Variants in TIAM1 observed in about 807,000 individuals in gnomAD.
The protein encoded by TIAM1 is rho guanine nucleotide exchange factor TIAM1.
Under a neutral mutation model 163.5 loss-of-function variants are expected in TIAM1, and 65 were observed. That is an observed-to-expected ratio of 0.40 (90% CI 0.33 to 0.49). TIAM1 has a LOEUF of 0.49. Among genes scored for constraint, TIAM1 ranks in the 20% least tolerant of loss-of-function variants. The pLI is 0.77. For missense variants in TIAM1, 1,789 were observed against 2,044.7 expected (o/e 0.87, Z 2.41); for synonymous variants, 833 against 810.1 (o/e 1.03, Z -0.48).
intron 1 of TIAM1, among the ~76,000 whole-genome samples, chr21:31,497,429 T>G (rs1569386700): frequency 6.6e-6 from 1 of 152,146 alleles, no homozygotes; most frequent in Admixed American, 6.5e-5. Flanking sequence ...ATGAGATGTA[T>G]GGAATATCAC....
chr21:31,506,674 T>C (rs1459393043), intron 1 of TIAM1, among the ~76,000 whole-genome samples: 2 of 152,204 alleles, frequency 1.3e-5, no homozygotes, highest in African/African-American at 2.4e-5. Flanking sequence ...TCCCAGCACT[T>C]TGGGAGGCTG....
At chr21:31,245,408 G>A (rs919109146) in intron 6 of TIAM1, 80 bp downstream of exon 6, 8 of 1,072,246 alleles carry the variant, frequency 7.5e-6, no homozygotes, top group Non-Finnish European at 8.6e-6. Flanking sequence ...GCAGTGGAGG[G>A]AGACTGGGTG....
At chr21:31,219,724 A>T (rs2087437839) in intron 8 of TIAM1, among the ~76,000 whole-genome samples, 1 of 151,162 alleles carries the variant, frequency 6.6e-6, no homozygotes, top group East Asian at 1.9e-4. Flanking sequence ...TTCTCAGCTT[A>T]GCACGTTAAA....
chr21:31,470,370 G>A (rs1471785366), intron 1 of TIAM1, among the ~76,000 whole-genome samples: 25 of 151,576 alleles, frequency 1.6e-4, no homozygotes, highest in Admixed American at 1.6e-3. Flanking sequence ...TTTCACTCTT[G>A]TTGCCCAGGC....
rs536463656 is a variant in TIAM1 at position 31,120,153 on chromosome 21, G to A, written c.*215C>T. On this transcript the variant is annotated 3_prime_UTR_variant, in exon 28 of 28. Transcript: ENST00000541036. This position sits in a 1 kb window ranked among gnomAD's most constrained non-coding sequence, Gnocchi z 4.2. ...AGCCCTTAGTAATATACAGAAGATA[G>A]GACTCAAGCTTATTTGGGATTCTGA... 6 of 546,944 alleles carry A rather than the reference G, an allele frequency of 1.1e-5. No homozygotes were observed. The highest frequency in any genetic ancestry group is 9.4e-4 in the Middle Eastern group (2 of 2,118). The allele number at this position is 546,944 out of a possible 1,614,324, so 33.9% of individuals were successfully genotyped here.
At chr21:31,143,387 A>C (rs1217541080) in intron 20 of TIAM1, among the ~76,000 whole-genome samples, 3 of 151,992 alleles carry the variant, frequency 2.0e-5, no homozygotes, top group African/African-American at 7.3e-5. Flanking sequence ...ACAGGAACTC[A>C]AAAATCTCTT....
At chr21:31,328,937 T>C (rs1601983187) in intron 2 of TIAM1, among the ~76,000 whole-genome samples, 1 of 152,310 alleles carries the variant, frequency 6.6e-6, no homozygotes, top group South Asian at 2.1e-4. Flanking sequence ...TGAGCTACCA[T>C]ACCCAGCCCA....
In TIAM1 at chr21:31,141,542, C is replaced by A. The variant is rs916027482; in HGVS notation, c.3476-38G>T. 1 of 1,599,464 alleles carries A rather than the reference C, an allele frequency of 6.3e-7. No individual in the cohort carries two copies. The highest frequency in any genetic ancestry group is 1.7e-5 in the Admixed American group (1 of 59,008). On this transcript the variant is annotated intron_variant, in intron 20 of 27. Transcript: ENST00000541036. The surrounding 1 kb of genome is among the most constrained non-coding windows in gnomAD (Gnocchi z 4.7). ...AAACACAGGTCATGGGGGTGGAACG[C>A]CCACGTGACTCCCTTCCCACAATTT...
At chr21:31,537,382 T>A (rs114552243) in intron 1 of TIAM1, among the ~76,000 whole-genome samples, 53 of 150,540 alleles carry the variant, frequency 3.5e-4, no homozygotes, top group African/African-American at 1.2e-3. Context: ...TCTTTTTGGT[T>A]GGGGGGGATG....
intron 2 of TIAM1, among the ~76,000 whole-genome samples, chr21:31,315,679 C>CAA (rs58560437): frequency 3.1e-4 from 25 of 80,244 alleles, no homozygotes; most frequent in South Asian, 2.5e-3. Context: ...AACTCCATCT[C>CAA]AAAAAAAAAA....
At chr21:31,271,730 G>A (rs2833355) in intron 3 of TIAM1, among the ~76,000 whole-genome samples, 7,091 of 122,532 alleles carry the variant, frequency 0.058, 213 homozygotes, top group Non-Finnish European at 0.072. Context: ...GGCCTAGGAC[G>A]ATCCAGAGAA....
chr21:31,224,825 A>T (rs73353319), intron 7 of TIAM1, among the ~76,000 whole-genome samples: 3,045 of 152,306 alleles, frequency 0.02, 112 homozygotes, highest in African/African-American at 0.07. Context: ...TCATTTATTC[A>T]TGTAATTATT....
intron 1 of TIAM1, among the ~76,000 whole-genome samples, chr21:31,492,331 T>C (rs1018245558): frequency 2.0e-5 from 3 of 152,188 alleles, no homozygotes; most frequent in Admixed American, 1.3e-4. Context: ...AGTTCTGAAC[T>C]GAAAGCTGAT....
At chr21:31,158,272 T>C (rs757187079) in intron 16 of TIAM1, among the ~76,000 whole-genome samples, 6 of 152,178 alleles carry the variant, frequency 3.9e-5, no homozygotes, top group Non-Finnish European at 8.8e-5. Context: ...ACCTTTAGCA[T>C]CTCAGGGGAC....
intron 1 of TIAM1, among the ~76,000 whole-genome samples, chr21:31,520,110 C>G (rs2047530077): frequency 6.6e-6 from 1 of 152,182 alleles, no homozygotes; most frequent in South Asian, 2.1e-4. Flanking sequence ...GCACGCGGAG[C>G]ACCTGAGGTC....
chr21:31,431,388 G>A lies in TIAM1; in HGVS notation c.-369+32595C>T, dbSNP rs571297836. Among the ~76,000 whole-genome samples, 6 of 152,250 alleles carry A rather than the reference G, an allele frequency of 3.9e-5. No homozygotes were observed. The East Asian group carries it at 1.2e-3, about 29-fold the overall frequency. ...GTAGATTGGGGGTGGATGGGGGTGG[G>A]CAAGAATGTGCATTTCTAGCAAGTT... On this transcript the variant is annotated intron_variant, in intron 2 of 28. Coordinates refer to the TIAM1 transcript ENST00000286827.
rs748482946 is a variant in TIAM1 at position 31,245,637 on chromosome 21, T to C, written c.1435A>G (p.Ser479Gly). The C allele has an allele frequency of 8.2e-6, 13 of 1,583,056 alleles. No individual in the cohort carries two copies. Among genetic ancestry groups the C allele is most frequent in the Non-Finnish European group, 1.0e-5 (12 of 1,164,978 alleles). Residue 479 changes from serine (S) to glycine (G), a missense_variant, in exon 6 of 28, where the codon AGC becomes GGC. By Grantham distance (56) the Ser-to-Gly change is moderately conservative. Transcript: ENST00000541036. ...TGGTCTATCCCAGACCTGCCGTCGCTCTCGTAGAAAAATAGCGTGCATCCT... is the reference window on the plus strand; with the variant it reads ...TGGTCTATCCCAGACCTGCCGTCGCCCTCGTAGAAAAATAGCGTGCATCCT... ...LKGCTLFFYE[S>G]DGRSGIDHNS...
At chr21:31,554,264 T>C (rs1360488140) in intron 1 of TIAM1, among the ~76,000 whole-genome samples, 8 of 152,104 alleles carry the variant, frequency 5.3e-5, no homozygotes. Context: ...CCCCACTGCC[T>C]CCCAATTATA....
intron 2 of TIAM1, among the ~76,000 whole-genome samples, chr21:31,302,972 C>G (rs1399491343): frequency 6.6e-6 from 1 of 152,144 alleles, no homozygotes; most frequent in Admixed American, 6.5e-5. Flanking sequence ...TCCTAATCAG[C>G]TGCAACCATG....
Sources: gnomAD v4.1 joint callset for allele counts (sites outside exome capture counted in the v4.1 genomes callset) on GRCh38, gnomAD v4.1.1 for gene constraint, Gnocchi (gnomAD v3.1) non-coding constraint, MANE v1.5 for transcripts, NCBI Gene and HGNC (gene_info 2026-07-23, HGNC 2026-07-21) for gene names.